Variants in ZNF652 observed in about 807,000 individuals in gnomAD.
ZNF652 encodes zinc finger protein 652.
A neutral mutation model predicts 45.2 loss-of-function variants in ZNF652; 16 were observed. The ratio of observed to expected loss-of-function variants is 0.35; its 90% CI spans 0.24 to 0.54. ZNF652 has a LOEUF of 0.54. Ranked by LOEUF, ZNF652 falls within the 20% of genes least tolerant of loss-of-function variation. ZNF652 has a pLI of 0.91. For missense variants in ZNF652, 614 were observed against 765.6 expected, an observed-to-expected ratio of 0.80 and a Z score of 2.34; for synonymous variants, 250 against 260.6, an observed-to-expected ratio of 0.96 and a Z score of 0.39.
intron 1 of ZNF652, among the ~76,000 whole-genome samples, chr17:49,340,549 CAAAAAAAAAAAAAAA>C (rs1040246588): frequency 2.0e-5 from 1 of 50,140 alleles, no homozygotes; most frequent in Non-Finnish European, 4.3e-5. Context: ...GACTCTGTCT[CAAAAAAAAAAAAAAA>C]AAAAAAAGAA....
intron 5 of ZNF652, 48 bp from the exon 6 acceptor site, chr17:49,298,972 T>C (rs1203595969): frequency 2.0e-6 from 3 of 1,533,430 alleles, no homozygotes; most frequent in Non-Finnish European, 2.6e-6. Context: ...AGGTGGTAAT[T>C]GTGTGCTCAA....
chr17:49,321,840 A>G (rs1170730023), intron 1 of ZNF652, among the ~76,000 whole-genome samples: 1 of 152,240 alleles, frequency 6.6e-6, no homozygotes, highest in South Asian at 2.1e-4. Context: ...CATAAGAGCT[A>G]GCAGCTCTAG....
chr17:49,298,358 T>C lies in ZNF652; in HGVS notation c.*55A>G, dbSNP rs376533989. 8 of 1,604,744 alleles carry C rather than the reference T, an allele frequency of 5.0e-6. No individual in the cohort carries two copies. The African/African-American group carries it at 1.1e-4, about 21-fold the overall frequency. On this transcript the variant is annotated 3_prime_UTR_variant, in exon 6 of 6. Coordinates refer to ENST00000430262, the MANE Select transcript of ZNF652 (RefSeq NM_001145365.3). The stretch of plus-strand genomic sequence containing the variant: ...AGGAAATGCTCACCGACTCCCTCTG[T>C]GCACGCTCACACATGGGGACGTGTC...
At chr17:49,359,711 T>A (rs551179943) in intron 1 of ZNF652, among the ~76,000 whole-genome samples, 4 of 152,306 alleles carry the variant, frequency 2.6e-5, no homozygotes, top group African/African-American at 9.6e-5. Flanking sequence ...ATTGATAGAA[T>A]GGTGCAAAGT....
Position 49,291,479 on chromosome 17 carries a change from A to G in ZNF652, c.*6934T>C, listed in dbSNP as rs940131795. The G allele has an allele frequency of 2.0e-5, 3 of 152,208 alleles. No homozygotes were observed. The highest frequency in any genetic ancestry group is 4.4e-5 in the Non-Finnish European group (3 of 68,038). The allele number at this position is 152,208 out of a possible 1,614,324, so 9.4% of individuals were successfully genotyped here. Reference sequence around the variant, plus strand: ...TCCTATGAAATCATTTTCAAGTAATATGTAACATCCCTGATCTCACCAGAG... The same window carrying G: ...TCCTATGAAATCATTTTCAAGTAATGTGTAACATCCCTGATCTCACCAGAG... On this transcript the variant is annotated 3_prime_UTR_variant, in exon 6 of 6. Coordinates refer to ENST00000430262, the MANE Select transcript of ZNF652 (RefSeq NM_001145365.3).
chr17:49,308,294 C>T (rs1056721022), intron 5 of ZNF652, among the ~76,000 whole-genome samples: 1 of 152,180 alleles, frequency 6.6e-6, no homozygotes, highest in South Asian at 2.1e-4. Flanking sequence ...CTCCCTGCCT[C>T]AGCCTCCCAA....
intron 1 of ZNF652, among the ~76,000 whole-genome samples, chr17:49,333,710 A>G (rs2070050444): frequency 7.5e-6 from 1 of 133,304 alleles, no homozygotes. Context: ...ACAGAGTGAG[A>G]CTCTGTCTCA....
chr17:49,354,854 T>C (rs2070319336), intron 1 of ZNF652, among the ~76,000 whole-genome samples: 1 of 151,990 alleles, frequency 6.6e-6, no homozygotes, highest in Non-Finnish European at 1.5e-5. Context: ...GCCTCCCCAG[T>C]AGCTGGAATT....
chr17:49,311,389 T>C lies in ZNF652; in HGVS notation c.1232A>G (p.Lys411Arg). ...GCCACACCACTGGCACATGAACTGT[T>C]TGTGCCCAATATGAATGCTCATGTG... is the stretch of plus-strand genomic sequence containing the variant. ...RSHMSIHIGHKQFMCQWCGKD... is the reference protein window; with the variant it reads ...RSHMSIHIGHRQFMCQWCGKD... The change falls in exon 5 of 6, where the codon AAA becomes AGA. Residue 411 changes from lysine to arginine, a missense_variant. Around this residue, in one of 5 missense-constraint regions of ZNF652, gnomAD observed 81 missense variants for 167.0 expected, o/e 0.48. Transcript: ENST00000430262. 6.2e-7 allele frequency: 1 copy of C among 1,614,168 alleles called. No homozygotes were observed. Among genetic ancestry groups the C allele is most frequent in the Non-Finnish European group, 8.5e-7 (1 of 1,179,994 alleles).
intron 1 of ZNF652, among the ~76,000 whole-genome samples, chr17:49,356,679 TC>T (rs59094864): frequency 0.23 from 34,886 of 151,818 alleles, 4,113 homozygotes; most frequent in South Asian, 0.32. Context: ...TTATCAGCAA[TC>T]CAATACTAGT....
intron 5 of ZNF652, among the ~76,000 whole-genome samples, chr17:49,300,016 T>A (rs1225232854): frequency 1.3e-5 from 2 of 152,108 alleles, no homozygotes; most frequent in Non-Finnish European, 2.9e-5. Flanking sequence ...CAAACAAAAG[T>A]AAGAATTTTC....
intron 5 of ZNF652, among the ~76,000 whole-genome samples, chr17:49,306,212 G>T (rs1029790068): frequency 6.6e-6 from 1 of 152,162 alleles, no homozygotes; most frequent in Non-Finnish European, 1.5e-5. Context: ...CCAGGGGAAA[G>T]TATTTCAACA....
intron 1 of ZNF652, among the ~76,000 whole-genome samples, chr17:49,360,820 AAC>A (rs2070384567): frequency 6.6e-6 from 1 of 152,214 alleles, no homozygotes; most frequent in Non-Finnish European, 1.5e-5. Flanking sequence ...ATAGATCCCA[AAC>A]ACTACAACAA....
chr17:49,288,963 C>T, downstream of ZNF652, among the ~76,000 whole-genome samples: 1 of 152,146 alleles, frequency 6.6e-6, no homozygotes, highest in East Asian at 1.9e-4. Flanking sequence ...CCAAACAGCG[C>T]TGCAAAGAGA....
chr17:49,297,822 G>A lies in ZNF652; in HGVS notation c.*591C>T, dbSNP rs542991011. 6.5e-6 allele frequency: 1 copy of A among 152,806 alleles called. No homozygotes were observed. Among genetic ancestry groups the A allele is most frequent in the South Asian group, 2.1e-4 (1 of 4,828 alleles). The allele number at this position is 152,806 out of a possible 1,614,324, so 9.5% of individuals were successfully genotyped here. A position where few individuals can be genotyped will look rare whatever the true frequency, so the allele number is the denominator to read the frequency against. On this transcript the variant is annotated 3_prime_UTR_variant, in exon 6 of 6. Transcript: ENST00000430262. ...ATTTTAGAAACAGACTACCAAAGAA[G>A]TCTATACAAAAACTCTAAAATAATT...
At chr17:49,349,842 A>G (rs1276849907) in intron 1 of ZNF652, among the ~76,000 whole-genome samples, 1 of 152,224 alleles carries the variant, frequency 6.6e-6, no homozygotes, top group Non-Finnish European at 1.5e-5. Flanking sequence ...GGGCAGAACT[A>G]TCTGTGAATG....
chr17:49,326,575 G>C (rs2069958801), intron 1 of ZNF652, among the ~76,000 whole-genome samples: 1 of 152,088 alleles, frequency 6.6e-6, no homozygotes, highest in Non-Finnish European at 1.5e-5. Flanking sequence ...AGGGACCAAA[G>C]AAAAAACCGA....
intron 3 of ZNF652, 139 bp downstream of exon 3, chr17:49,312,559 A>T: frequency 1.2e-6 from 1 of 854,630 alleles, no homozygotes; most frequent in Non-Finnish European, 1.8e-6. Flanking sequence ...GGTGATACTT[A>T]CTGAAGACAT....
intron 5 of ZNF652, among the ~76,000 whole-genome samples, chr17:49,304,953 A>G (rs2069608620): frequency 6.6e-6 from 1 of 152,018 alleles, no homozygotes; most frequent in African/African-American, 2.4e-5. Flanking sequence ...TCTAACTGAA[A>G]TCTTTCTTGA....
Sources: allele counts gnomAD v4.1 joint callset (sites outside exome capture counted in the v4.1 genomes callset), GRCh38; gene constraint gnomAD v4.1.1; regional missense constraint gnomAD v4.1.1; transcripts MANE v1.5; gene names NCBI Gene and HGNC (gene_info 2026-07-23, HGNC 2026-07-21).